Variants in PYGO1 observed in about 807,000 individuals in gnomAD.
PYGO1 encodes pygopus family PHD finger 1.
In PYGO1, 6 loss-of-function variants were observed where a neutral mutation model predicts 29.5. The ratio of observed to expected loss-of-function variants is 0.20; its 90% CI spans 0.11 to 0.40. PYGO1 has a LOEUF of 0.40. Among genes scored for constraint, PYGO1 ranks in the 10% least tolerant of loss-of-function variants. The pLI, the probability that PYGO1 is intolerant of heterozygous loss-of-function variation, is 1.00. For synonymous variants in PYGO1, 186 were observed against 180.5 expected (o/e 1.03, Z -0.24); for missense variants, 515 against 514.9 (o/e 1.00, Z 0.00).
At chr15:55,552,386 T>C (rs1164235711) in intron 1 of PYGO1, among the ~76,000 whole-genome samples, 2 of 114,278 alleles carry the variant, frequency 1.8e-5, no homozygotes, top group Admixed American at 1.8e-4. Context: ...AAAAAAAAGG[T>C]AGGGGGAGCT....
chr15:55,553,348 T>C (rs531861894), intron 1 of PYGO1, among the ~76,000 whole-genome samples: 3 of 151,988 alleles, frequency 2.0e-5, no homozygotes, highest in East Asian at 1.9e-4. Context: ...CAAAGAAGGA[T>C]TCCCCCCAGT....
At chr15:55,571,645 C>T (rs6493803) in intron 1 of PYGO1, among the ~76,000 whole-genome samples, 53,152 of 152,022 alleles carry the variant, frequency 0.35, 9,502 homozygotes, top group South Asian at 0.45. Flanking sequence ...TGCTTTCCAC[C>T]GTGATTGTGG....
intron 1 of PYGO1, among the ~76,000 whole-genome samples, chr15:55,583,434 T>C (rs2059033624): frequency 6.6e-6 from 1 of 152,138 alleles, no homozygotes; most frequent in African/African-American, 2.4e-5. Flanking sequence ...ATTTGCTATG[T>C]CTTTCTGTCT....
rs571953615 is a variant in PYGO1, at chr15:55,539,533, C to T, written c.*6490G>A. 53 of 151,958 alleles carry T rather than the reference C, an allele frequency of 3.5e-4. No homozygotes were observed. The highest frequency in any genetic ancestry group is 1.1e-3 in the African/African-American group (44 of 41,492). 9.4% of individuals were successfully genotyped at this position (151,958 alleles called of 1,614,324 possible). The stretch of plus-strand genomic sequence containing the variant: ...CATGAATTAATAATACTTCTTTAGA[C>T]GTCTATGATCTAAATAGAAACAGAC... On this transcript the variant is annotated 3_prime_UTR_variant, in exon 3 of 3. Transcript: ENST00000563719.
intron 1 of PYGO1, among the ~76,000 whole-genome samples, chr15:55,571,064 C>T (rs2058978104): frequency 6.6e-6 from 1 of 151,468 alleles, no homozygotes; most frequent in Non-Finnish European, 1.5e-5. Flanking sequence ...CTACTTTTAG[C>T]TTTTATGAAT....
chr15:55,587,828 CG>C lies in PYGO1; in HGVS notation c.49+6del. 6.7e-7 allele frequency: 1 copy of C among 1,489,802 alleles called. No individual in the cohort carries two copies. Among genetic ancestry groups the C allele is most frequent in the South Asian group, 1.3e-5 (1 of 79,922 alleles). 92.3% of individuals were successfully genotyped at this position (1,489,802 alleles called of 1,614,324 possible). ...GGTTCCCCCAATCCGGCACCCTTCT[CG>C]GTTACCTCGAACTCTCTTCAGCGAA... On this transcript the variant is annotated splice_donor_region_variant and intron_variant, in intron 1 of 2. Coordinates refer to ENST00000563719, the MANE Select transcript of PYGO1 (RefSeq NM_001367806.1).
chr15:55,575,876 C>T (rs908900289), intron 1 of PYGO1, among the ~76,000 whole-genome samples: 2 of 152,198 alleles, frequency 1.3e-5, no homozygotes, highest in African/African-American at 4.8e-5. Flanking sequence ...TTATACTCCA[C>T]AGGGCCCCTC....
chr15:55,588,137 C>G lies in PYGO1; in HGVS notation c.-254G>C, dbSNP rs1179095361. 1.3e-6 allele frequency: 1 copy of G among 755,452 alleles called. No homozygotes were observed. Among genetic ancestry groups the G allele is most frequent in the Non-Finnish European group, 1.6e-6 (1 of 622,258 alleles). The allele number at this position is 755,452 out of a possible 1,614,324, so 46.8% of individuals were successfully genotyped here. On this transcript the variant is annotated 5_prime_UTR_variant, in exon 1 of 3. Coordinates refer to ENST00000563719, the MANE Select transcript of PYGO1 (RefSeq NM_001367806.1). ...CAGCGGCGGTGGCCGGGAGCGCGGC[C>G]TGGGGGCGGCCCCCCACCCGGGGCC...
rs1028699345 is a variant in PYGO1 at position 55,541,153 on chromosome 15, C to G, written c.*4870G>C. ...AATACAGGCAGCTCTGATGTATTAA[C>G]GCCTGGCATATACATGGCCACAGTC... On this transcript the variant is annotated 3_prime_UTR_variant, in exon 3 of 3. Coordinates refer to ENST00000563719, the MANE Select transcript of PYGO1 (RefSeq NM_001367806.1). The G allele has an allele frequency of 6.6e-6, 1 of 152,144 alleles. No homozygotes were observed. Among genetic ancestry groups the G allele is most frequent in the East Asian group, 1.9e-4 (1 of 5,194 alleles). The allele number at this position is 152,144 out of a possible 1,614,324, so 9.4% of individuals were successfully genotyped here.
chr15:55,550,472 C>A (rs1440150838), intron 1 of PYGO1, among the ~76,000 whole-genome samples: 1 of 152,152 alleles, frequency 6.6e-6, no homozygotes, highest in Non-Finnish European at 1.5e-5. Context: ...TCACACTCCC[C>A]AAACCAGCTT....
upstream of PYGO1, chr15:55,588,693 C>G (rs2059061450): frequency 4.9e-6 from 6 of 1,223,000 alleles, no homozygotes; most frequent in Non-Finnish European, 6.9e-6. Context: ...ACCCCGCGGC[C>G]GACGCTACCG....
At chr15:55,560,800 A>C (rs2058929628) in intron 1 of PYGO1, among the ~76,000 whole-genome samples, 1 of 151,970 alleles carries the variant, frequency 6.6e-6, no homozygotes. Context: ...GTCTCTACTA[A>C]AAAATACAAA....
rs1375092630 is a variant in PYGO1, at chr15:55,542,295, CCACTAG to C, written c.*3722_*3727del. 1.3e-5 allele frequency: 2 copies of C among 152,248 alleles called. No individual in the cohort carries two copies. The highest frequency in any genetic ancestry group is 3.9e-4 in the East Asian group (2 of 5,178). The allele number at this position is 152,248 out of a possible 1,614,324, so 9.4% of individuals were successfully genotyped here. A position where few individuals can be genotyped will look rare whatever the true frequency, so the allele number is the denominator to read the frequency against. ...CCCACACTATTAAGAGGTTTTTCTG[CCACTAG>C]GCAGAGTTGGGAGTCTAAAACAAAC... On this transcript the variant is annotated 3_prime_UTR_variant, in exon 3 of 3. Transcript: ENST00000563719.
At chr15:55,554,354 A>G (rs926783612) in intron 1 of PYGO1, among the ~76,000 whole-genome samples, 1 of 151,762 alleles carries the variant, frequency 6.6e-6, no homozygotes, top group African/African-American at 2.4e-5. Context: ...CTGCAGTCCC[A>G]GCTACTTGGG....
At chr15:55,550,220 T>C (rs2058872665) in intron 1 of PYGO1, among the ~76,000 whole-genome samples, 1 of 152,206 alleles carries the variant, frequency 6.6e-6, no homozygotes, top group Non-Finnish European at 1.5e-5. Context: ...AAGTATTAAC[T>C]GAACCAGGCT....
At chr15:55,547,209 T>C in intron 2 of PYGO1, 62 bp from the exon 3 acceptor site, 1 of 1,414,932 alleles carries the variant, frequency 7.1e-7, no homozygotes, top group Non-Finnish European at 9.5e-7. Context: ...AAAATTGTCC[T>C]GTTACCTTAA....
intron 1 of PYGO1, among the ~76,000 whole-genome samples, chr15:55,559,423 G>A (rs973347354): frequency 2.6e-5 from 4 of 152,084 alleles, no homozygotes; most frequent in East Asian, 1.9e-4. Flanking sequence ...ACAGTGCGGC[G>A]ATTCCTCAAG....
intron 1 of PYGO1, among the ~76,000 whole-genome samples, chr15:55,575,414 T>G (rs957590441): frequency 6.6e-6 from 1 of 152,180 alleles, no homozygotes; most frequent in Non-Finnish European, 1.5e-5. Context: ...AATACTGTAG[T>G]CAGTACTTTT....
intron 1 of PYGO1, among the ~76,000 whole-genome samples, chr15:55,571,618 T>C (rs2141668951): frequency 6.6e-6 from 1 of 152,302 alleles, no homozygotes; most frequent in Middle Eastern, 3.4e-3. Flanking sequence ...CCACGTGAGA[T>C]GTGACTTGCT....
Sources: gnomAD v4.1 joint callset for allele counts (sites outside exome capture counted in the v4.1 genomes callset) on GRCh38, gnomAD v4.1.1 for gene constraint, MANE v1.5 for transcripts, NCBI Gene and HGNC (gene_info 2026-07-23, HGNC 2026-07-21) for gene names.